The following ARIH2 variants were observed in gnomAD, a reference collection of about 807,000 sequenced individuals.
ARIH2 encodes ariadne RBR E3 ubiquitin protein ligase 2.
ARIH2 carries 12 observed loss-of-function variants against 79.8 expected under a neutral mutation model. The observed-to-expected ratio is 0.15, with a 90% CI of 0.10 to 0.24. The LOEUF (loss-of-function observed/expected upper bound fraction) is 0.24. Ranked by LOEUF, ARIH2 falls within the 10% of genes least tolerant of loss-of-function variation. The pLI is 1.00. For missense variants in ARIH2, 301 were observed against 618.3 expected, an observed-to-expected ratio of 0.49 and a Z score of 5.44; for synonymous variants, 224 against 213.9, an observed-to-expected ratio of 1.05 and a Z score of -0.41.
intron 5 of ARIH2, among the ~76,000 whole-genome samples, chr3:48,965,217 G>A (rs1194826502): frequency 9.3e-5 from 14 of 150,912 alleles, no homozygotes; most frequent in Non-Finnish European, 1.8e-4. Context: ...AAAATTAGCC[G>A]GATGTGGTGG....
chr3:48,979,382 AC>A, intron 11 of ARIH2, 99 bp from the exon 12 acceptor site: 2 of 1,329,456 alleles, frequency 1.5e-6, no homozygotes, highest in Non-Finnish European at 2.1e-6. Flanking sequence ...TGTTCAGGTG[AC>A]CCCTTTGGGA....
chr3:48,942,645 ATTTTTT>A (rs745532484), intron 3 of ARIH2, among the ~76,000 whole-genome samples: 3 of 104,730 alleles, frequency 2.9e-5, no homozygotes. Flanking sequence ...TGCCCGGCTA[ATTTTTT>A]TTTTTTTTTT....
intron 2 of ARIH2, chr3:48,927,082 C>G (rs1405891521): frequency 5.9e-6 from 1 of 170,330 alleles, no homozygotes. Context: ...AAATTTTAAA[C>G]TTTGGTAGTT....
At chr3:48,973,661 TAATG>T (rs772113677) in intron 8 of ARIH2, 34 bp from the exon 9 acceptor site, 1 of 1,504,070 alleles carries the variant, frequency 6.6e-7, no homozygotes. Flanking sequence ...GACCCTGACT[TAATG>T]AATATTTGAA....
intron 9 of ARIH2, among the ~76,000 whole-genome samples, chr3:48,974,372 C>G (rs954348882): frequency 9.9e-5 from 15 of 152,224 alleles, no homozygotes; most frequent in African/African-American, 3.6e-4. Context: ...ATTGCTGCCT[C>G]AGGTTGCTGG....
chr3:48,982,680 T>C, intron 14 of ARIH2: 1 of 540,024 alleles, frequency 1.9e-6, no homozygotes, highest in Non-Finnish European at 3.3e-6. Context: ...AGTGGACCTT[T>C]TGAGGGTCGA....
chr3:48,947,475 G>A (rs575365829), intron 3 of ARIH2, among the ~76,000 whole-genome samples: 4 of 150,110 alleles, frequency 2.7e-5, no homozygotes, highest in Non-Finnish European at 4.4e-5. Context: ...AAAAGCCAGA[G>A]AATATTGTAA....
Position 48,922,310 on chromosome 3 carries a change from C to CTTTTTTT in ARIH2, c.-161-430_-161-424dup, listed in dbSNP as rs879519601. On this transcript the variant is annotated intron_variant, in intron 1 of 15. Coordinates refer to ENST00000356401, the MANE Select transcript of ARIH2 (RefSeq NM_006321.4). ...GCTACCTGTTTACTTAGATTACTTT[C>CTTTTTTT]TTTTTTTTTTTTTTGAGACGAATTT... The CTTTTTTT allele has an allele frequency of 2.3e-3, 324 of 143,616 alleles. 3 individuals are homozygous for CTTTTTTT. The highest frequency in any genetic ancestry group is 7.8e-3 in the African/African-American group (306 of 39,286). 8.9% of individuals were successfully genotyped at this position (143,616 alleles called of 1,614,324 possible).
Position 48,918,897 on chromosome 3 carries a change from C to T in ARIH2, c.-263C>T, listed in dbSNP as rs1334283801. On this transcript the variant is annotated 5_prime_UTR_variant, in exon 1 of 16. Coordinates refer to ENST00000356401, the MANE Select transcript of ARIH2 (RefSeq NM_006321.4). ...GCAGCGCGGGCTTGACCGGCGTCGGCCCGCCGCCTCCGCTGCCGCTTCGCC... is the reference window on the plus strand; with the variant it reads ...GCAGCGCGGGCTTGACCGGCGTCGGTCCGCCGCCTCCGCTGCCGCTTCGCC... The T allele has an allele frequency of 2.5e-6, 4 of 1,601,900 alleles. No individual in the cohort carries two copies. Among genetic ancestry groups the T allele is most frequent in the African/African-American group, 2.7e-5 (2 of 74,864 alleles).
At chr3:48,975,157 C>T (rs1226678496) in intron 11 of ARIH2, 178 bp downstream of exon 11, 3 of 1,049,576 alleles carry the variant, frequency 2.9e-6, no homozygotes, top group Non-Finnish European at 4.1e-6. Flanking sequence ...GTTTTTTGGT[C>T]CCTCTTATAA....
At chr3:48,981,773 G>T in intron 14 of ARIH2, 45 bp downstream of exon 14, 1 of 1,523,312 alleles carries the variant, frequency 6.6e-7, no homozygotes, top group African/African-American at 1.4e-5. Context: ...AGCCTCAAAG[G>T]TGCCCTTCTC....
intron 3 of ARIH2, among the ~76,000 whole-genome samples, chr3:48,933,277 T>C (rs1356116345): frequency 3.0e-5 from 2 of 66,874 alleles, no homozygotes; most frequent in Non-Finnish European, 5.8e-5. Context: ...TGTGTGTGTG[T>C]GTGTGTGTGT....
chr3:48,922,219 G>C (rs1164727571), intron 1 of ARIH2: 1 of 151,762 alleles, frequency 6.6e-6, no homozygotes, highest in African/African-American at 2.4e-5. Flanking sequence ...GGGAGGCCCT[G>C]TCTCAAACAA....
chr3:48,975,295 C>T (rs754801050), intron 11 of ARIH2, among the ~76,000 whole-genome samples: 35 of 152,268 alleles, frequency 2.3e-4, no homozygotes, highest in Admixed American at 5.2e-4. Flanking sequence ...AGGTAAGTAG[C>T]TTGGGGCTTA....
At chr3:48,974,543 T>G (rs2092406738) in intron 9 of ARIH2, 4 of 525,152 alleles carry the variant, frequency 7.6e-6, no homozygotes, top group Non-Finnish European at 1.4e-5. Flanking sequence ...ATTCAACTTG[T>G]GCTTAATCTG....
intron 3 of ARIH2, among the ~76,000 whole-genome samples, chr3:48,954,175 G>C (rs1055874126): frequency 6.6e-6 from 1 of 151,720 alleles, no homozygotes; most frequent in Admixed American, 6.6e-5. Flanking sequence ...AAAAGAAAAG[G>C]CCGGGCTTGG....
intron 3 of ARIH2, among the ~76,000 whole-genome samples, chr3:48,958,424 T>C (rs1310679373): frequency 6.6e-6 from 1 of 151,878 alleles, no homozygotes; most frequent in Admixed American, 6.6e-5. Context: ...TTTAAAAAAA[T>C]AGATAGGCCG....
chr3:48,934,455 T>G (rs2086838199), intron 3 of ARIH2: 9 of 985,280 alleles, frequency 9.1e-6, no homozygotes, highest in Non-Finnish European at 1.1e-5. Flanking sequence ...TTGTTGCTAC[T>G]ACTCATGGGA....
chr3:48,951,014 G>A (rs998275039), intron 3 of ARIH2, among the ~76,000 whole-genome samples: 2 of 148,864 alleles, frequency 1.3e-5, no homozygotes, highest in Admixed American at 6.8e-5. Flanking sequence ...CCAGGCTGGA[G>A]TGCAGTAGAG....
Sources: gnomAD v4.1 joint callset for allele counts (sites outside exome capture counted in the v4.1 genomes callset) on GRCh38, gnomAD v4.1.1 for gene constraint, MANE v1.5 for transcripts, NCBI Gene and HGNC (gene_info 2026-07-23, HGNC 2026-07-21) for gene names.